SGCD: variants seen among roughly 807,000 people sequenced by gnomAD.
SGCD encodes the protein sarcoglycan delta.
Under a neutral mutation model 36.6 loss-of-function variants are expected in SGCD, and 18 were observed. The ratio of observed to expected loss-of-function variants is 0.49; its 90% confidence interval spans 0.34 to 0.73. SGCD has a LOEUF of 0.73. Ranked by LOEUF, SGCD falls within the 30% of genes least tolerant of loss-of-function variation. The probability of loss-of-function intolerance (pLI) is 0.01; values close to 1 mark genes in which losing one functional copy is unlikely to be tolerated. For synonymous variants in SGCD, 133 were observed against 130.6 expected (o/e 1.02, Z -0.12); for missense variants, 387 against 346.7 (o/e 1.12, Z -0.92).
At chr5:156,048,204 T>A (rs971123082) in intron 1 of SGCD, among the ~76,000 whole-genome samples, 2 of 152,252 alleles carry the variant, frequency 1.3e-5, no homozygotes, top group African/African-American at 4.8e-5. Context: ...TGCCACCTTT[T>A]CTTAATCCAG....
intron 3 of SGCD, among the ~76,000 whole-genome samples, chr5:156,216,427 A>G (rs935678803): frequency 6.6e-6 from 1 of 152,242 alleles, no homozygotes. Flanking sequence ...TGTGCACAAT[A>G]AATACATGCA....
chr5:156,282,792 T>A (rs1766487589), intron 3 of SGCD, among the ~76,000 whole-genome samples: 1 of 152,180 alleles, frequency 6.6e-6, no homozygotes, highest in African/African-American at 2.4e-5. Flanking sequence ...TACTTTCCAT[T>A]TAATAATAAA....
chr5:156,307,308 AG>A, intron 3 of SGCD, among the ~76,000 whole-genome samples: 1 of 152,250 alleles, frequency 6.6e-6, no homozygotes, highest in East Asian at 1.9e-4. Context: ...GGCCTCCTAA[AG>A]TGCTGCACAG....
chr5:155,916,231 A>G (rs1258697567), intron 1 of SGCD, among the ~76,000 whole-genome samples: 1 of 152,172 alleles, frequency 6.6e-6, no homozygotes, highest in African/African-American at 2.4e-5. Flanking sequence ...AGAGGGTTTT[A>G]GAGACGAGTG....
intron 3 of SGCD, among the ~76,000 whole-genome samples, chr5:156,371,208 T>C (rs979930131): frequency 6.6e-6 from 1 of 152,202 alleles, no homozygotes; most frequent in Non-Finnish European, 1.5e-5. Flanking sequence ...ATTGAAGCAG[T>C]CCTTATGTTT....
At chr5:156,112,224 C>T (rs1255379646) in intron 1 of SGCD, among the ~76,000 whole-genome samples, 7 of 152,222 alleles carry the variant, frequency 4.6e-5, no homozygotes, top group South Asian at 4.2e-4. Context: ...CCAAATGGCT[C>T]GTGTAAGTTC....
At chr5:156,313,396 T>C (rs1032826401) in intron 3 of SGCD, among the ~76,000 whole-genome samples, 2 of 152,104 alleles carry the variant, frequency 1.3e-5, no homozygotes, top group Non-Finnish European at 2.9e-5. Flanking sequence ...TCTCTGGAAG[T>C]AGTTGTCAAC....
At chr5:156,238,214 A>C (rs1489635745) in intron 3 of SGCD, among the ~76,000 whole-genome samples, 1 of 152,180 alleles carries the variant, frequency 6.6e-6, no homozygotes, top group Admixed American at 6.5e-5. Context: ...AAGTGCTGAG[A>C]TTATAAGTGT....
chr5:156,205,127 T>C (rs1013805117), intron 3 of SGCD, among the ~76,000 whole-genome samples: 1 of 152,104 alleles, frequency 6.6e-6, no homozygotes, highest in African/African-American at 2.4e-5. Flanking sequence ...CAAAAGCTCA[T>C]GGTGCATTCC....
chr5:156,588,077 C>T (rs1272109519), intron 4 of SGCD, among the ~76,000 whole-genome samples: 1 of 151,854 alleles, frequency 6.6e-6, no homozygotes, highest in Non-Finnish European at 1.5e-5. Context: ...CCAGGAATGG[C>T]TACCAGATTC....
intron 1 of SGCD, among the ~76,000 whole-genome samples, chr5:155,970,951 A>AT (rs1433535695): frequency 2.0e-5 from 3 of 151,916 alleles, no homozygotes; most frequent in African/African-American, 4.8e-5. Flanking sequence ...CATGTCTGTG[A>AT]TTTTTTTCAG....
At chr5:155,932,920 C>A (rs1440461725) in intron 1 of SGCD, among the ~76,000 whole-genome samples, 1 of 151,758 alleles carries the variant, frequency 6.6e-6, no homozygotes, top group African/African-American at 2.4e-5. Context: ...CCTTGTCATC[C>A]ATCATATTCT....
chr5:155,785,346 A>G, the SGCD span, among the ~76,000 whole-genome samples: 5 of 152,330 alleles, frequency 3.3e-5, no homozygotes, highest in South Asian at 1.0e-3. Context: ...ATATTTCAAT[A>G]CCTGTATACA....
At chr5:155,987,148 G>A (rs192149715) in intron 1 of SGCD, among the ~76,000 whole-genome samples, 2 of 152,218 alleles carry the variant, frequency 1.3e-5, no homozygotes, top group East Asian at 1.9e-4. Flanking sequence ...GACAGAAATA[G>A]CTTATTTCCA....
rs183186989 is a variant in SGCD, at chr5:156,223,700, G to A, written c.-44+99681G>A. Among the ~76,000 whole-genome samples the A allele has an allele frequency of 3.3e-5, 5 of 152,176 alleles. No individual in the cohort carries two copies. In the East Asian group the frequency reaches 9.7e-4, roughly 29 times the overall value. On this transcript the variant is annotated intron_variant, in intron 3 of 9. Transcript: ENST00000517913. ...TGGGGCTGACATTAGTGATGCCTTA[G>A]AAGAGAAACACAGCAGTACGTGGTG...
At chr5:156,159,549 T>C (rs897700478) in intron 3 of SGCD, among the ~76,000 whole-genome samples, 2 of 151,614 alleles carry the variant, frequency 1.3e-5, no homozygotes, top group Non-Finnish European at 2.9e-5. Context: ...GCTGTATTTT[T>C]TTCAGATTGT....
At chr5:156,054,317 G>C (rs1359938960) in intron 1 of SGCD, among the ~76,000 whole-genome samples, 1 of 118,296 alleles carries the variant, frequency 8.5e-6, no homozygotes, top group Admixed American at 9.9e-5. Flanking sequence ...ACAGAGTCTC[G>C]CTCTGTGGCC....
At chr5:156,348,457 C>T (rs1290108496) in intron 3 of SGCD, among the ~76,000 whole-genome samples, 3 of 152,092 alleles carry the variant, frequency 2.0e-5, no homozygotes, top group Non-Finnish European at 2.9e-5. Flanking sequence ...CTGCTATATA[C>T]CAACAATGGC....
intron 7 of SGCD, among the ~76,000 whole-genome samples, chr5:156,681,215 G>A (rs1581390080): frequency 6.6e-6 from 1 of 152,186 alleles, no homozygotes; most frequent in Non-Finnish European, 1.5e-5. Flanking sequence ...ATTGAATGCC[G>A]AAGACTTTAC....
Sources: gnomAD v4.1 joint callset for allele counts (sites outside exome capture counted in the v4.1 genomes callset) on GRCh38, gnomAD v4.1.1 for gene constraint, MANE v1.5 for transcripts, NCBI Gene and HGNC (gene_info 2026-07-23, HGNC 2026-07-21) for gene names.